The following MANBA variants were observed in gnomAD, a reference collection of about 807,000 sequenced individuals.
MANBA encodes beta-mannosidase.
A neutral mutation model predicts 111.1 loss-of-function variants in MANBA; 83 were observed. The ratio of observed to expected loss-of-function variants is 0.75; its 90% CI spans 0.63 to 0.90. The LOEUF is 0.90. Among genes scored for constraint, MANBA ranks in the 40% least tolerant of loss-of-function variants. The pLI is 0.00. For missense variants in MANBA, 1,036 were observed against 1,069.0 expected, an observed-to-expected ratio of 0.97 and a Z score of 0.43; for synonymous variants, 370 against 378.7, an observed-to-expected ratio of 0.98 and a Z score of 0.27.
At chr4:102,746,911 G>A (rs1578957893) in intron 1 of MANBA, among the ~76,000 whole-genome samples, 1 of 151,164 alleles carries the variant, frequency 6.6e-6, no homozygotes, top group Admixed American at 6.6e-5. Flanking sequence ...GTCAGAGCTT[G>A]CAGTGAGCAG....
At chr4:102,667,793 C>T (rs1279741962) in intron 10 of MANBA, 1 of 152,148 alleles carries the variant, frequency 6.6e-6, no homozygotes, top group African/African-American at 2.4e-5. Context: ...AAATCAGAGT[C>T]AATAATTATC....
At chr4:102,679,271 A>T (rs1022631096) in intron 7 of MANBA, among the ~76,000 whole-genome samples, 3 of 152,108 alleles carry the variant, frequency 2.0e-5, no homozygotes, top group African/African-American at 7.2e-5. Context: ...CCTTGTAGCC[A>T]GATGTGTATC....
intron 5 of MANBA, among the ~76,000 whole-genome samples, chr4:102,705,929 C>T (rs1733276492): frequency 6.6e-6 from 1 of 152,218 alleles, no homozygotes; most frequent in Non-Finnish European, 1.5e-5. Context: ...CCTGCATGTG[C>T]CACCTACGGG....
At chr4:102,725,950 A>C (rs373705449) in intron 2 of MANBA, among the ~76,000 whole-genome samples, 1 of 152,170 alleles carries the variant, frequency 6.6e-6, no homozygotes, top group Non-Finnish European at 1.5e-5. Flanking sequence ...AATCAATTGG[A>C]TATGTTGAGT....
At chr4:102,643,484 C>T (rs952072261) in intron 13 of MANBA, among the ~76,000 whole-genome samples, 5 of 152,178 alleles carry the variant, frequency 3.3e-5, no homozygotes, top group Admixed American at 6.5e-5. Flanking sequence ...AACTGTTTAC[C>T]GCAGCAGCTG....
chr4:102,755,951 G>A (rs1317597896), intron 1 of MANBA, among the ~76,000 whole-genome samples: 1 of 152,166 alleles, frequency 6.6e-6, no homozygotes, highest in Non-Finnish European at 1.5e-5. Context: ...TTAGAATGGT[G>A]ATCATTAAAA....
At chr4:102,733,137 A>C (rs1041673254) in intron 1 of MANBA, among the ~76,000 whole-genome samples, 1 of 152,210 alleles carries the variant, frequency 6.6e-6, no homozygotes, top group Non-Finnish European at 1.5e-5. Context: ...ACTATATGTC[A>C]TTCTGGATGT....
chr4:102,641,403 T>C (rs1729873231), intron 13 of MANBA, among the ~76,000 whole-genome samples: 1 of 151,992 alleles, frequency 6.6e-6, no homozygotes, highest in Admixed American at 6.5e-5. Context: ...AACTAAAGGG[T>C]GATGTGAGCA....
At chr4:102,708,204 T>C (rs1042248873) in intron 5 of MANBA, among the ~76,000 whole-genome samples, 1 of 152,146 alleles carries the variant, frequency 6.6e-6, no homozygotes, top group Admixed American at 6.5e-5. Flanking sequence ...AAAATGCACA[T>C]TCTTCTCATT....
At chr4:102,643,384 T>C (rs1418169282) in intron 13 of MANBA, among the ~76,000 whole-genome samples, 2 of 152,222 alleles carry the variant, frequency 1.3e-5, no homozygotes, top group African/African-American at 2.4e-5. Context: ...CATGAACATA[T>C]GCTTTCAATT....
At chr4:102,671,171 G>C in intron 9 of MANBA, 110 bp downstream of exon 9, 1 of 790,018 alleles carries the variant, frequency 1.3e-6, no homozygotes, top group South Asian at 1.4e-5. Flanking sequence ...GCCCCAAATG[G>C]AATATCATTC....
intron 1 of MANBA, chr4:102,729,991 C>A (rs930244343): frequency 3.4e-6 from 3 of 882,610 alleles, no homozygotes; most frequent in African/African-American, 3.3e-5. Flanking sequence ...GTGATGCCAC[C>A]CACGCTGCTG....
intron 13 of MANBA, among the ~76,000 whole-genome samples, chr4:102,645,861 G>A (rs1730080526): frequency 6.6e-6 from 1 of 152,032 alleles, no homozygotes; most frequent in African/African-American, 2.4e-5. Context: ...GTGTTCTAAT[G>A]AGGTCTTTAT....
chr4:102,680,499 A>G (rs1329487894), intron 7 of MANBA, among the ~76,000 whole-genome samples: 2 of 152,084 alleles, frequency 1.3e-5, no homozygotes, highest in East Asian at 1.9e-4. Context: ...TGAACCTTCC[A>G]TCTTGTCTAG....
rs567302716 is a variant in MANBA at position 102,752,013 on chromosome 4, T to C, written c.177+8705A>G. The C allele has an allele frequency of 2.6e-5, 19 of 741,058 alleles. No individual in the cohort carries two copies. The South Asian group carries it at 2.6e-4, about 10-fold the overall frequency. 45.9% of individuals were successfully genotyped at this position (741,058 alleles called of 1,614,324 possible). ...TTGATAGCTCAGGAACTAAATTTTG[T>C]AGTGGCTCCTGGGATAAGATGCTAA... On this transcript the variant is annotated intron_variant, in intron 1 of 16. Coordinates refer to ENST00000647097, the MANE Select transcript of MANBA (RefSeq NM_005908.4).
intron 7 of MANBA, among the ~76,000 whole-genome samples, chr4:102,686,890 T>C (rs186104460): frequency 1.3e-5 from 2 of 152,306 alleles, no homozygotes; most frequent in East Asian, 3.9e-4. Flanking sequence ...TACATTCTGC[T>C]AACTTACACA....
chr4:102,760,566 T>C (rs540952257), intron 1 of MANBA, 152 bp downstream of exon 1: 82 of 896,570 alleles, frequency 9.1e-5, no homozygotes, highest in Non-Finnish European at 1.2e-4. Flanking sequence ...GCTTGGGCAT[T>C]TCCCCCCGCA....
intron 10 of MANBA, chr4:102,668,152 A>T (rs1261336947): frequency 6.6e-6 from 1 of 152,220 alleles, no homozygotes; most frequent in Admixed American, 6.5e-5. Flanking sequence ...ATATAATGCA[A>T]TCTGTGTTTC....
intron 1 of MANBA, among the ~76,000 whole-genome samples, chr4:102,758,364 T>A (rs1346702401): frequency 2.0e-5 from 3 of 152,128 alleles, no homozygotes; most frequent in African/African-American, 7.2e-5. Flanking sequence ...ATGAATGATA[T>A]CACCAAGATA....
Sources: allele counts gnomAD v4.1 joint callset (sites outside exome capture counted in the v4.1 genomes callset), GRCh38; gene constraint gnomAD v4.1.1; transcripts MANE v1.5; gene names NCBI Gene and HGNC (gene_info 2026-07-23, HGNC 2026-07-21).